RBFOX1: variants seen among roughly 807,000 people sequenced by gnomAD.
RBFOX1 encodes RNA binding fox-1 homolog 1, also known as RNA binding protein fox-1 homolog 1.
A neutral mutation model predicts 57.7 loss-of-function variants in RBFOX1; 8 were observed. The ratio of observed to expected loss-of-function variants is 0.14; its 90% CI spans 0.08 to 0.25. RBFOX1 has a LOEUF of 0.25. Among genes scored for constraint, RBFOX1 ranks in the 10% least tolerant of loss-of-function variants. The pLI is 1.00. For synonymous variants in RBFOX1, 326 were observed against 222.4 expected (o/e 1.47, Z -4.15); for missense variants, 611 against 548.5 (o/e 1.11, Z -1.14).
At chr16:7,602,548 A>C (rs1049133524) in intron 9 of RBFOX1, among the ~76,000 whole-genome samples, 2 of 152,194 alleles carry the variant, frequency 1.3e-5, no homozygotes, top group Non-Finnish European at 2.9e-5. Context: ...CATTTTGTTC[A>C]TCTTCCTGAC....
intron 1 of RBFOX1, among the ~76,000 whole-genome samples, chr16:6,081,145 G>A (rs1384860084): frequency 2.0e-5 from 3 of 152,188 alleles, no homozygotes; most frequent in Admixed American, 6.6e-5. Context: ...CTCATAGGGC[G>A]TCTTTCAGAT....
At chr16:6,430,824 G>A (rs1235681052) in intron 2 of RBFOX1, among the ~76,000 whole-genome samples, 1 of 151,990 alleles carries the variant, frequency 6.6e-6, no homozygotes, top group African/African-American at 2.4e-5. Flanking sequence ...ATTAAAGGCA[G>A]GGAGACTAGT....
intron 4 of RBFOX1, among the ~76,000 whole-genome samples, chr16:7,361,611 A>G (rs914982395): frequency 6.6e-6 from 1 of 152,182 alleles, no homozygotes; most frequent in Admixed American, 6.5e-5. Flanking sequence ...AGGGATAACT[A>G]AAGCAACCAA....
chr16:7,014,267 C>T (rs2093794584), intron 3 of RBFOX1, among the ~76,000 whole-genome samples: 1 of 151,212 alleles, frequency 6.6e-6, no homozygotes, highest in African/African-American at 2.4e-5. Flanking sequence ...CTGGAGTGTG[C>T]AGTGGCATGA....
intron 10 of RBFOX1, among the ~76,000 whole-genome samples, chr16:7,612,012 C>G (rs112072926): frequency 6.6e-6 from 1 of 152,048 alleles, no homozygotes; most frequent in Non-Finnish European, 1.5e-5. Context: ...TCTCCAGAGT[C>G]CTTGAGGCTT....
intron 2 of RBFOX1, among the ~76,000 whole-genome samples, chr16:6,491,222 CTA>C (rs967579708): frequency 2.3e-4 from 35 of 151,476 alleles, no homozygotes; most frequent in African/African-American, 8.5e-4. Context: ...TATAGTTAAA[CTA>C]TATATATAGT....
At chr16:7,241,738 C>A (rs2094072832) in intron 4 of RBFOX1, among the ~76,000 whole-genome samples, 1 of 151,922 alleles carries the variant, frequency 6.6e-6, no homozygotes, top group Non-Finnish European at 1.5e-5. Context: ...TATACACAAA[C>A]ACACACACAT....
intron 3 of RBFOX1, among the ~76,000 whole-genome samples, chr16:5,851,850 AAAGG>A (rs1424443977): frequency 2.0e-5 from 3 of 152,288 alleles, no homozygotes; most frequent in East Asian, 1.9e-4. Context: ...GTGGGTGAGT[AAAGG>A]AAGGACGATG....
chr16:7,055,860 A>C (rs372516576), intron 4 of RBFOX1, among the ~76,000 whole-genome samples: 2 of 152,126 alleles, frequency 1.3e-5, no homozygotes, highest in African/African-American at 4.8e-5. Context: ...GTTTCCTGTC[A>C]TTAGTTTTCA....
intron 4 of RBFOX1, among the ~76,000 whole-genome samples, chr16:7,093,594 G>C (rs1026148355): frequency 6.6e-6 from 1 of 152,160 alleles, no homozygotes; most frequent in East Asian, 1.9e-4. Context: ...TCGTTGATTA[G>C]AGGGAAACTG....
At chr16:6,886,149 C>T (rs1030120244) in intron 3 of RBFOX1, among the ~76,000 whole-genome samples, 1 of 151,406 alleles carries the variant, frequency 6.6e-6, no homozygotes, top group African/African-American at 2.4e-5. Flanking sequence ...GCATCCTCCG[C>T]CCCCAGGGTT....
chr16:7,379,437 G>C (rs2097748080), intron 4 of RBFOX1, among the ~76,000 whole-genome samples: 1 of 152,164 alleles, frequency 6.6e-6, no homozygotes, highest in Non-Finnish European at 1.5e-5. Context: ...AAAGCAGTGG[G>C]AATGAATGAA....
chr16:7,540,385 C>T (rs1253632447), intron 5 of RBFOX1, among the ~76,000 whole-genome samples: 1 of 152,206 alleles, frequency 6.6e-6, no homozygotes, highest in Non-Finnish European at 1.5e-5. Flanking sequence ...CCTGACTTCA[C>T]ATCCAGGCTC....
intron 3 of RBFOX1, among the ~76,000 whole-genome samples, chr16:6,700,433 G>C (rs566923990): frequency 6.6e-6 from 1 of 152,034 alleles, no homozygotes; most frequent in African/African-American, 2.4e-5. Flanking sequence ...CGAAGCAGGC[G>C]GATCACCTGA....
chr16:7,027,981 G>A (rs2041488657), intron 3 of RBFOX1, among the ~76,000 whole-genome samples: 1 of 151,868 alleles, frequency 6.6e-6, no homozygotes, highest in Non-Finnish European at 1.5e-5. Context: ...AAGGGTGGAA[G>A]GACGAAAGGC....
chr16:5,933,112 T>A (rs1226118758), intron 4 of RBFOX1, among the ~76,000 whole-genome samples: 1 of 152,188 alleles, frequency 6.6e-6, no homozygotes, highest in South Asian at 2.1e-4. Context: ...TTACTTCTTC[T>A]TCAAATGGAA....
chr16:7,095,775 C>T (rs904142504), intron 4 of RBFOX1, among the ~76,000 whole-genome samples: 2 of 152,138 alleles, frequency 1.3e-5, no homozygotes. Flanking sequence ...GTAATCCCAG[C>T]ACTTCGGGAG....
rs539826001 is a variant in RBFOX1 at position 7,045,845 on chromosome 16, A to G, written c.-15-6212A>G. 5.3e-5 allele frequency among the ~76,000 whole-genome samples: 8 copies of G among 152,058 alleles called. No individual in the cohort carries two copies. The East Asian group carries it at 1.4e-3, about 26-fold the overall frequency. On this transcript the variant is annotated intron_variant, in intron 3 of 15. Transcript: ENST00000550418. ...TAATTTTTTTGTATTTTTAGTAGAGACAGAGTTTTACCATGTTGGCCAGGT... is the reference window on the plus strand; with the variant it reads ...TAATTTTTTTGTATTTTTAGTAGAGGCAGAGTTTTACCATGTTGGCCAGGT...
At chr16:7,553,745 A>C (rs928535613) in intron 5 of RBFOX1, among the ~76,000 whole-genome samples, 1 of 152,230 alleles carries the variant, frequency 6.6e-6, no homozygotes, top group African/African-American at 2.4e-5. Context: ...GACTCAGTCC[A>C]TATGTTAGGG....
Sources: gnomAD v4.1 joint callset for allele counts (sites outside exome capture counted in the v4.1 genomes callset) on GRCh38, gnomAD v4.1.1 for gene constraint, MANE v1.5 for transcripts, NCBI Gene and HGNC (gene_info 2026-07-23, HGNC 2026-07-21) for gene names.